Variants in NUBPL observed in about 807,000 individuals in gnomAD.
NUBPL encodes the protein NUBP iron-sulfur cluster assembly factor, mitochondrial, also known as iron-sulfur cluster transfer protein NUBPL.
In NUBPL, 31 loss-of-function variants were observed where a neutral mutation model predicts 45.7. The ratio of observed to expected loss-of-function variants is 0.68; its 90% CI spans 0.51 to 0.92. The LOEUF is 0.92. Among genes scored for constraint, NUBPL ranks in the 40% least tolerant of loss-of-function variants. The probability of loss-of-function intolerance (pLI) is 0.00; values close to 1 mark genes in which losing one functional copy is unlikely to be tolerated. For missense variants in NUBPL, 401 were observed against 398.7 expected (o/e 1.01, Z -0.05); for synonymous variants, 144 against 140.9 (o/e 1.02, Z -0.15).
chr14:31,727,946 C>A (rs1034447465), intron 6 of NUBPL, among the ~76,000 whole-genome samples: 1 of 152,020 alleles, frequency 6.6e-6, no homozygotes, highest in Non-Finnish European at 1.5e-5. Flanking sequence ...ATGATGTAGT[C>A]ATTTATAAAA....
intron 10 of NUBPL, among the ~76,000 whole-genome samples, chr14:31,851,748 T>C (rs1473408975): frequency 3.3e-5 from 5 of 152,100 alleles, no homozygotes; most frequent in African/African-American, 9.7e-5. Flanking sequence ...ATTGAGGGTT[T>C]TTTTTGCTTT....
At chr14:31,800,673 A>C (rs901601406) in intron 7 of NUBPL, among the ~76,000 whole-genome samples, 1 of 152,212 alleles carries the variant, frequency 6.6e-6, no homozygotes, top group Non-Finnish European at 1.5e-5. Flanking sequence ...TTAAATTAAA[A>C]AAGAACTTCT....
intron 4 of NUBPL, among the ~76,000 whole-genome samples, chr14:31,615,529 T>C (rs528676939): frequency 2.6e-5 from 4 of 152,130 alleles, no homozygotes; most frequent in Admixed American, 1.3e-4. Context: ...CTCCCACTTA[T>C]GAGTGAGAAC....
chr14:31,644,969 G>A (rs2035803820), intron 4 of NUBPL, among the ~76,000 whole-genome samples: 1 of 151,570 alleles, frequency 6.6e-6, no homozygotes, highest in African/African-American at 2.4e-5. Flanking sequence ...AGCTATTCCT[G>A]CTCTTTTTAA....
intron 4 of NUBPL, among the ~76,000 whole-genome samples, chr14:31,653,777 A>G (rs1205704733): frequency 6.6e-6 from 1 of 152,212 alleles, no homozygotes; most frequent in Non-Finnish European, 1.5e-5. Context: ...GGAACTGATA[A>G]ATGTCCAGGA....
In NUBPL at chr14:31,562,287, A is replaced by G. The variant is rs142539700; in HGVS notation, c.256+72A>G. 6.5e-3 allele frequency: 9,035 copies of G among 1,393,176 alleles called. 50 individuals are homozygous for G. The highest frequency in any genetic ancestry group is 7.9e-3 in the Non-Finnish European group (7,976 of 1,012,414). The allele number at this position is 1,393,176 out of a possible 1,614,324, so 86.3% of individuals were successfully genotyped here. A position where few individuals can be genotyped will look rare whatever the true frequency, so the allele number is the denominator to read the frequency against. ...CAGACAAGTGCACACTATTGAAATT[A>G]TAGTTTTGTGTTTTAAAAATTTATT... On this transcript the variant is annotated intron_variant, in intron 2 of 10. Coordinates refer to ENST00000281081, the MANE Select transcript of NUBPL (RefSeq NM_025152.3).
intron 7 of NUBPL, among the ~76,000 whole-genome samples, chr14:31,815,149 T>C (rs962036709): frequency 6.6e-6 from 1 of 152,174 alleles, no homozygotes; most frequent in Non-Finnish European, 1.5e-5. Flanking sequence ...TTTCACAACA[T>C]TGATTCTTCC....
intron 4 of NUBPL, among the ~76,000 whole-genome samples, chr14:31,610,830 A>G (rs1404250640): frequency 6.6e-6 from 1 of 152,208 alleles, no homozygotes; most frequent in Non-Finnish European, 1.5e-5. Flanking sequence ...GACTGAAACC[A>G]TATGATCATT....
intron 3 of NUBPL, among the ~76,000 whole-genome samples, chr14:31,566,087 A>T (rs1172070023): frequency 6.6e-6 from 1 of 152,152 alleles, no homozygotes; most frequent in Non-Finnish European, 1.5e-5. Context: ...ATCATTTAAT[A>T]TGTTTAACTG....
chr14:31,846,490 A>G lies in NUBPL; in HGVS notation c.713A>G (p.Asn238Ser). ...VHVPVLGLVQ[N>S]MSVFQCPKCK... The stretch of plus-strand genomic sequence containing the variant: ...TTCTAGGTCCTTGGCCTTGTCCAAA[A>G]CATGAGTGTTTTCCAGTGTCCAAAA... The change falls in exon 9 of 11, where the codon AAC (asparagine) becomes AGC (serine). Residue 238 changes from asparagine (N) to serine (S), a missense_variant. By Grantham distance (46) the Asn-to-Ser change is conservative. Coordinates refer to ENST00000281081, the MANE Select transcript of NUBPL (RefSeq NM_025152.3). 1 of 1,612,718 alleles carries G rather than the reference A, an allele frequency of 6.2e-7. No homozygotes were observed. Among genetic ancestry groups the G allele is most frequent in the Non-Finnish European group, 8.5e-7 (1 of 1,179,296 alleles).
intron 3 of NUBPL, among the ~76,000 whole-genome samples, chr14:31,571,603 C>A (rs1400275814): frequency 6.6e-6 from 1 of 152,094 alleles, no homozygotes; most frequent in Non-Finnish European, 1.5e-5. Flanking sequence ...GCAAGCACCA[C>A]CATGCCTGGC....
chr14:31,726,247 T>A (rs1336350196), intron 6 of NUBPL, among the ~76,000 whole-genome samples: 1 of 152,146 alleles, frequency 6.6e-6, no homozygotes, highest in Non-Finnish European at 1.5e-5. Flanking sequence ...TAAAGATCTG[T>A]CCAAAGCACC....
chr14:31,621,096 C>T (rs540616417), intron 4 of NUBPL, among the ~76,000 whole-genome samples: 25 of 152,276 alleles, frequency 1.6e-4, no homozygotes, highest in Non-Finnish European at 2.9e-4. Flanking sequence ...GGTAAAACCG[C>T]CTACTCAGGG....
chr14:31,807,335 C>A (rs929313091), intron 7 of NUBPL, among the ~76,000 whole-genome samples: 56 of 152,234 alleles, frequency 3.7e-4, no homozygotes, highest in Non-Finnish European at 3.4e-4. Flanking sequence ...GAGGTGGTAT[C>A]TCATTGTGGT....
At chr14:31,814,540 C>G (rs539375453) in intron 7 of NUBPL, among the ~76,000 whole-genome samples, 131 of 152,104 alleles carry the variant, frequency 8.6e-4, no homozygotes, top group African/African-American at 3.0e-3. Context: ...TAGTTTAACT[C>G]CATCCCATTT....
chr14:31,832,728 A>AT (rs1349060158), intron 8 of NUBPL, among the ~76,000 whole-genome samples: 1 of 152,182 alleles, frequency 6.6e-6, no homozygotes, highest in Non-Finnish European at 1.5e-5. Context: ...TTGCAGAGGC[A>AT]TTTTTGCATA....
Position 31,860,389 on chromosome 14 carries a change from C to T in NUBPL, c.*1209C>T, listed in dbSNP as rs1391921420. 6.6e-6 allele frequency: 1 copy of T among 151,670 alleles called. No individual in the cohort carries two copies. The highest frequency in any genetic ancestry group is 6.6e-5 in the Admixed American group (1 of 15,204). 9.4% of individuals were successfully genotyped at this position (151,670 alleles called of 1,614,324 possible). A position where few individuals can be genotyped will look rare whatever the true frequency, so the allele number is the denominator to read the frequency against. ...TTTTTTTGGCCATGAAATCCACCAC[C>T]CCCCTCCTTTTTCAGAGCATTTCAT... is the stretch of plus-strand genomic sequence containing the variant. On this transcript the variant is annotated 3_prime_UTR_variant, in exon 11 of 11. Coordinates refer to ENST00000281081, the MANE Select transcript of NUBPL (RefSeq NM_025152.3).
chr14:31,812,999 T>A (rs2039840790), intron 7 of NUBPL, among the ~76,000 whole-genome samples: 1 of 150,920 alleles, frequency 6.6e-6, no homozygotes, highest in Admixed American at 6.6e-5. Flanking sequence ...TTTTTTTTTT[T>A]TTTGAGGTGG....
chr14:31,730,987 TAG>T (rs2038037282), intron 6 of NUBPL, among the ~76,000 whole-genome samples: 1 of 151,978 alleles, frequency 6.6e-6, no homozygotes, highest in South Asian at 2.1e-4. Flanking sequence ...ACGATAGAAA[TAG>T]ACTCAGTGAA....
Sources: allele counts gnomAD v4.1 joint callset (sites outside exome capture counted in the v4.1 genomes callset), GRCh38; gene constraint gnomAD v4.1.1; transcripts MANE v1.5; gene names NCBI Gene and HGNC (gene_info 2026-07-23, HGNC 2026-07-21).